Variants in CNNM1 observed in about 807,000 individuals in gnomAD.
CNNM1 encodes cyclin and CBS domain divalent metal cation transport mediator 1.
CNNM1 carries 44 observed loss-of-function variants against 78.8 expected under a neutral mutation model. That is an observed-to-expected ratio of 0.56 (90% CI 0.44 to 0.72). The LOEUF (loss-of-function observed/expected upper bound fraction) is 0.72, where lower values mean the gene tolerates loss of function less well. Among genes scored for constraint, CNNM1 ranks in the 30% least tolerant of loss-of-function variants. The pLI is 0.00. For missense variants in CNNM1, 1,101 were observed against 1,292.2 expected, an observed-to-expected ratio of 0.85 and a Z score of 2.27; for synonymous variants, 584 against 581.5, an observed-to-expected ratio of 1.00 and a Z score of -0.06.
At position 99,329,685 on chromosome 10, in the gene CNNM1, G is replaced by C; in HGVS notation, c.298G>C (p.Gly100Arg). 1 of 1,553,806 alleles carries C rather than the reference G, an allele frequency of 6.4e-7. No homozygotes were observed. Among genetic ancestry groups the C allele is most frequent in the Non-Finnish European group, 8.6e-7 (1 of 1,160,952 alleles). The change falls in exon 1 of 11, where the codon GGC becomes CGC. Residue 100 changes from glycine to arginine, a missense_variant. Transcript: ENST00000356713. Reference sequence around the variant, plus strand: ...CCTCAACTCGGGGGAGAATGGCACCGGCGACTGGGCTCCGCGGCTCGTGTT... The same window carrying C: ...CCTCAACTCGGGGGAGAATGGCACCCGCGACTGGGCTCCGCGGCTCGTGTT... ...PTLNSGENGT[G>R]DWAPRLVFIE...
At chr10:99,347,452 G>A (rs991142837) in intron 1 of CNNM1, among the ~76,000 whole-genome samples, 4 of 152,052 alleles carry the variant, frequency 2.6e-5, no homozygotes, top group South Asian at 4.2e-4. Context: ...CCCGGGAGGC[G>A]GAGGTTGCAG....
intron 1 of CNNM1, among the ~76,000 whole-genome samples, chr10:99,341,844 G>A (rs576192309): frequency 1.9e-4 from 29 of 152,246 alleles, no homozygotes; most frequent in African/African-American, 7.0e-4. Context: ...ATTTTTGATG[G>A]TGATATTTCT....
chr10:99,353,009 T>C (rs573358920), intron 1 of CNNM1, among the ~76,000 whole-genome samples: 2 of 152,328 alleles, frequency 1.3e-5, no homozygotes, highest in South Asian at 4.1e-4. Context: ...CTTTTATGTA[T>C]AGTATGAGGT....
chr10:99,371,104 C>A lies in CNNM1; in HGVS notation c.2177-5951C>A, dbSNP rs552522937. Among the ~76,000 whole-genome samples the A allele has an allele frequency of 1.4e-3, 211 of 152,238 alleles. 1 individual carries two copies. The highest frequency in any genetic ancestry group is 4.9e-3 in the African/African-American group (202 of 41,536). On this transcript the variant is annotated intron_variant, in intron 6 of 10. Coordinates refer to ENST00000356713, the MANE Select transcript of CNNM1 (RefSeq NM_020348.3). ...CTCTGAATATAGACATTTTATGCCC[C>A]CTAGAGGGCTGTGATTTATTTGCAT...
intron 4 of CNNM1, among the ~76,000 whole-genome samples, chr10:99,363,959 A>G (rs1339234709): frequency 4.6e-5 from 7 of 151,930 alleles, no homozygotes; most frequent in Non-Finnish European, 7.4e-5. Context: ...TGGCCAGGCT[A>G]GTCTCAAACT....
intron 6 of CNNM1, among the ~76,000 whole-genome samples, chr10:99,371,968 C>A (rs1050762755): frequency 2.6e-5 from 4 of 152,124 alleles, no homozygotes; most frequent in African/African-American, 9.7e-5. Flanking sequence ...GGCAGGCAAC[C>A]CCTGAACCCT....
At chr10:99,380,745 C>G (rs1345899517) in intron 7 of CNNM1, among the ~76,000 whole-genome samples, 3 of 151,090 alleles carry the variant, frequency 2.0e-5, no homozygotes, top group Non-Finnish European at 4.4e-5. Context: ...GAACTGAGAT[C>G]GTGCCACTGC....
chr10:99,391,350 T>C, intron 10 of CNNM1, 87 bp from the exon 11 acceptor site: 1 of 1,003,614 alleles, frequency 1.0e-6, no homozygotes, highest in African/African-American at 1.6e-5. Flanking sequence ...CATTTCTGCT[T>C]CTGTTTTGAA....
At chr10:99,335,819 G>A (rs981796789) in intron 1 of CNNM1, among the ~76,000 whole-genome samples, 50 of 152,176 alleles carry the variant, frequency 3.3e-4, no homozygotes, top group African/African-American at 1.2e-3. Context: ...TTTCTGGTGA[G>A]GACGTTCTTC....
chr10:99,351,392 T>C (rs143909479), intron 1 of CNNM1, among the ~76,000 whole-genome samples: 17 of 152,278 alleles, frequency 1.1e-4, no homozygotes, highest in African/African-American at 3.1e-4. Flanking sequence ...TTACCACATA[T>C]GCCATTAGGA....
Position 99,387,963 on chromosome 10 carries a change from C to T in CNNM1, c.2484C>T (p.Asp828=), listed in dbSNP as rs17490682. 66,423 of 1,602,914 alleles carry T rather than the reference C, an allele frequency of 0.041. 1,623 individuals carry two copies. Among genetic ancestry groups the T allele is most frequent in the Non-Finnish European group, 0.049 (57,283 of 1,174,992 alleles). Residue 828 remains aspartate, a synonymous_variant, in exon 8 of 11, where the codon GAC becomes GAT. Transcript: ENST00000356713. ...GCACACCCCAGACCCCTAAGGATGA[C>T]CCCGCCATCACGCTCCTCAACAACA... ...TRGTPQTPKD[D]PAITLLNNRN... is the part of the protein sequence containing the mutation.
intron 6 of CNNM1, chr10:99,368,621 C>A (rs2031700898): frequency 7.8e-7 from 1 of 1,289,620 alleles, no homozygotes. Flanking sequence ...TCTTTAGTGC[C>A]TGTCTCTGTG....
chr10:99,338,320 G>A (rs545825959), intron 1 of CNNM1, among the ~76,000 whole-genome samples: 1 of 149,048 alleles, frequency 6.7e-6, no homozygotes, highest in African/African-American at 2.5e-5. Context: ...TTTTGAGATG[G>A]AGTCTCACTT....
chr10:99,391,639 C>A lies in CNNM1; in HGVS notation c.*123C>A. Reference sequence around the variant, plus strand: ...TGACAGAATGTTCTGCCTTCCCTTCCATCTCTTCACCCCTAGCTGTCAGTT... The same window carrying A: ...TGACAGAATGTTCTGCCTTCCCTTCAATCTCTTCACCCCTAGCTGTCAGTT... On this transcript the variant is annotated 3_prime_UTR_variant, in exon 11 of 11. Transcript: ENST00000356713. The A allele has an allele frequency of 2.6e-6, 2 of 764,940 alleles. No homozygotes were observed. The highest frequency in any genetic ancestry group is 4.3e-6 in the Non-Finnish European group (2 of 465,434). The allele number at this position is 764,940 out of a possible 1,614,324, so 47.4% of individuals were successfully genotyped here.
intron 1 of CNNM1, among the ~76,000 whole-genome samples, chr10:99,336,792 C>A (rs191653614): frequency 4.1e-4 from 63 of 152,260 alleles, no homozygotes; most frequent in African/African-American, 1.5e-3. Context: ...CACAGTGAAA[C>A]CCCGTCTCTA....
At chr10:99,341,190 A>C (rs1040081166) in intron 1 of CNNM1, among the ~76,000 whole-genome samples, 4 of 152,072 alleles carry the variant, frequency 2.6e-5, no homozygotes, top group Admixed American at 1.3e-4. Flanking sequence ...TCAGAGGAAG[A>C]GCTTCCCAGG....
At chr10:99,365,844 G>A (rs1892509) in intron 6 of CNNM1, among the ~76,000 whole-genome samples, 24,905 of 152,048 alleles carry the variant, frequency 0.16, 3,921 homozygotes, top group African/African-American at 0.41. Flanking sequence ...AATTATCAGA[G>A]GGTCCCAGAG....
At chr10:99,347,530 A>G (rs2030747542) in intron 1 of CNNM1, among the ~76,000 whole-genome samples, 1 of 149,278 alleles carries the variant, frequency 6.7e-6, no homozygotes, top group African/African-American at 2.4e-5. Context: ...AAAAAACAAA[A>G]CAAAACAAAA....
chr10:99,385,020 C>T (rs2032267964), intron 7 of CNNM1, among the ~76,000 whole-genome samples: 1 of 147,864 alleles, frequency 6.8e-6, no homozygotes, highest in African/African-American at 2.5e-5. Flanking sequence ...CACTGCACTC[C>T]AGCCTGGGCA....
Sources: gnomAD v4.1 joint callset for allele counts (sites outside exome capture counted in the v4.1 genomes callset) on GRCh38, gnomAD v4.1.1 for gene constraint, MANE v1.5 for transcripts, NCBI Gene and HGNC (gene_info 2026-07-23, HGNC 2026-07-21) for gene names.